AOX1: variants seen among roughly 807,000 people sequenced by gnomAD.
AOX1 encodes aldehyde oxidase 1.
AOX1 carries 153 observed loss-of-function variants against 169.5 expected under a neutral mutation model. That is an observed-to-expected ratio of 0.90 (90% CI 0.79 to 1.03). The LOEUF (loss-of-function observed/expected upper bound fraction) is 1.03, where lower values mean the gene tolerates loss of function less well. Among genes scored for constraint, AOX1 ranks in the 50% least tolerant of loss-of-function variants. The probability of loss-of-function intolerance (pLI) is 0.00; values close to 1 mark genes in which losing one functional copy is unlikely to be tolerated. For missense variants in AOX1, 1,656 were observed against 1,663.9 expected (o/e 1.00, Z 0.08); for synonymous variants, 562 against 581.9 (o/e 0.97, Z 0.49).
At position 200,627,467 on chromosome 2, in the gene AOX1, A is replaced by C. The variant is rs1464831922; in HGVS notation, c.2221+18A>C. The C allele has an allele frequency of 6.5e-7, 1 of 1,547,546 alleles. No individual in the cohort carries two copies. The highest frequency in any genetic ancestry group is 2.2e-5 in the East Asian group (1 of 44,556). On this transcript the variant is annotated intron_variant, in intron 20 of 34. Coordinates refer to ENST00000374700, the MANE Select transcript of AOX1 (RefSeq NM_001159.4). ...TCTTGAAGGTAAAAAGTAATGGAAG[A>C]GTAAACAACCCTGGAAGTCTTCTAA...
chr2:200,659,577 C>T (rs1019562204), intron 28 of AOX1, among the ~76,000 whole-genome samples: 1 of 152,202 alleles, frequency 6.6e-6, no homozygotes, highest in African/African-American at 2.4e-5. Flanking sequence ...TTAAGACAGG[C>T]TCGCGCCTCT....
At chr2:200,609,468 C>A in intron 12 of AOX1, 54 bp downstream of exon 12, 1 of 1,443,206 alleles carries the variant, frequency 6.9e-7, no homozygotes, top group Non-Finnish European at 9.7e-7. Flanking sequence ...ACCCCTTTTT[C>A]TCTCTGGGGA....
chr2:200,620,847 G>T lies in AOX1; in HGVS notation c.1874+28G>T, dbSNP rs776129577. The T allele has an allele frequency of 3.8e-6, 6 of 1,580,382 alleles. No homozygotes were observed. In the Admixed American group the frequency reaches 1.0e-4, roughly 26 times the overall value. Reference sequence around the variant, plus strand: ...AAGTGGTAAAATTCTTACTCAATGGGCATAAATGATTGTCTTTTCATCTAA... The same window carrying T: ...AAGTGGTAAAATTCTTACTCAATGGTCATAAATGATTGTCTTTTCATCTAA... On this transcript the variant is annotated intron_variant, in intron 17 of 34. Coordinates refer to ENST00000374700, the MANE Select transcript of AOX1 (RefSeq NM_001159.4).
intron 18 of AOX1, among the ~76,000 whole-genome samples, chr2:200,623,289 G>T (rs866800052): frequency 2.0e-5 from 3 of 152,162 alleles, no homozygotes; most frequent in African/African-American, 7.2e-5. Flanking sequence ...ACCTGCAGGC[G>T]AATAATCCTA....
intron 18 of AOX1, among the ~76,000 whole-genome samples, chr2:200,621,736 C>T (rs551044944): frequency 4.6e-5 from 7 of 150,794 alleles, no homozygotes; most frequent in Admixed American, 2.0e-4. Context: ...GTGTTAAATG[C>T]GCTTTTTATT....
intron 12 of AOX1, among the ~76,000 whole-genome samples, chr2:200,611,078 C>T (rs182991442): frequency 1.3e-5 from 2 of 152,308 alleles, no homozygotes. Context: ...CGGTCTCAAA[C>T]TCCTAACCTC....
In AOX1 at chr2:200,604,860, T is replaced by C. The variant is rs747283921; in HGVS notation, c.814+20T>C. On this transcript the variant is annotated intron_variant, in intron 9 of 34. Coordinates refer to ENST00000374700, the MANE Select transcript of AOX1 (RefSeq NM_001159.4). ...CTGTGGGTATGTAGAACCCCAGGGATTTTTTATAGGGAAATTGAGAAAAAG... is the reference window on the plus strand; with the variant it reads ...CTGTGGGTATGTAGAACCCCAGGGACTTTTTATAGGGAAATTGAGAAAAAG... 3 of 1,611,494 alleles carry C rather than the reference T, an allele frequency of 1.9e-6. No individual in the cohort carries two copies. Among genetic ancestry groups the C allele is most frequent in the South Asian group, 1.1e-5 (1 of 90,832 alleles).
chr2:200,658,503 G>A (rs1401751566), intron 27 of AOX1, among the ~76,000 whole-genome samples: 1 of 152,212 alleles, frequency 6.6e-6, no homozygotes, highest in Non-Finnish European at 1.5e-5. Context: ...GAAGGGCTCT[G>A]TATGCCTGTG....
intron 34 of AOX1, 103 bp from the exon 35 acceptor site, chr2:200,670,526 G>C: frequency 1.1e-6 from 1 of 888,578 alleles, no homozygotes; most frequent in Admixed American, 1.8e-5. Flanking sequence ...TCATGGCCCT[G>C]GTTGCCCTCT....
intron 14 of AOX1, among the ~76,000 whole-genome samples, chr2:200,613,027 T>TGTGTGTGTGTGTGTGAGAGA (rs112472592): frequency 6.8e-6 from 1 of 146,118 alleles, no homozygotes; most frequent in African/African-American, 2.6e-5. Flanking sequence ...TGTGTGTGTG[T>TGTGTGTGTGTGTGTGAGAGA]GAGAGAGAGA....
At chr2:200,635,067 A>C (rs2035203486) in intron 21 of AOX1, 152 bp downstream of exon 21, 1 of 814,886 alleles carries the variant, frequency 1.2e-6, no homozygotes, top group Admixed American at 2.8e-5. Context: ...ATCTATGATC[A>C]CACCACTGCA....
At chr2:200,627,243 AG>A in intron 19 of AOX1, 109 bp from the exon 20 acceptor site, 1 of 709,166 alleles carries the variant, frequency 1.4e-6, no homozygotes, top group Non-Finnish European at 2.5e-6. Flanking sequence ...CGGAACCACA[AG>A]GTGAAGGGAG....
At chr2:200,663,662 G>A (rs559389131) in intron 31 of AOX1, among the ~76,000 whole-genome samples, 5 of 151,568 alleles carry the variant, frequency 3.3e-5, no homozygotes, top group African/African-American at 7.3e-5. Context: ...CAGAGCCTTC[G>A]GGAGTAAAAG....
intron 34 of AOX1, among the ~76,000 whole-genome samples, chr2:200,670,165 G>A (rs2035999861): frequency 6.6e-6 from 1 of 152,020 alleles, no homozygotes; most frequent in Admixed American, 6.6e-5. Flanking sequence ...ATGCTAGCAG[G>A]AACCCCTCCC....
chr2:200,595,733 C>T (rs2034269831), intron 3 of AOX1, among the ~76,000 whole-genome samples: 1 of 152,110 alleles, frequency 6.6e-6, no homozygotes, highest in South Asian at 2.1e-4. Context: ...GAATGGCTCC[C>T]TAACTCCCTG....
At chr2:200,592,789 A>C (rs1319121577) in intron 1 of AOX1, among the ~76,000 whole-genome samples, 1 of 151,690 alleles carries the variant, frequency 6.6e-6, no homozygotes, top group African/African-American at 2.4e-5. Flanking sequence ...TTCCTTTCTT[A>C]TTTCATCCAC....
At chr2:200,621,279 A>G in intron 18 of AOX1, 33 bp downstream of exon 18, 1 of 1,607,344 alleles carries the variant, frequency 6.2e-7, no homozygotes. Context: ...TTGAAAAATA[A>G]CTTTCTCAGT....
chr2:200,656,331 A>G (rs1303672622), intron 26 of AOX1, among the ~76,000 whole-genome samples: 1 of 152,198 alleles, frequency 6.6e-6, no homozygotes, highest in East Asian at 1.9e-4. Context: ...TGTTTAGCTT[A>G]GAGACTGGAT....
At chr2:200,593,991 T>C (rs1011887949) in intron 2 of AOX1, among the ~76,000 whole-genome samples, 15 of 152,120 alleles carry the variant, frequency 9.9e-5, no homozygotes, top group African/African-American at 3.4e-4. Flanking sequence ...AGATAGAAGG[T>C]AGGAGTTTCT....
Sources: gnomAD v4.1 joint callset for allele counts (sites outside exome capture counted in the v4.1 genomes callset) on GRCh38, gnomAD v4.1.1 for gene constraint, MANE v1.5 for transcripts, NCBI Gene and HGNC (gene_info 2026-07-23, HGNC 2026-07-21) for gene names.